The following DARS1 variants were observed in gnomAD, a reference collection of about 807,000 sequenced individuals.
DARS1 encodes the protein aspartyl-tRNA synthetase 1.
A neutral mutation model predicts 68.8 loss-of-function variants in DARS1; 51 were observed. The observed-to-expected ratio is 0.74, with a 90% CI of 0.59 to 0.94. The LOEUF (loss-of-function observed/expected upper bound fraction) is 0.94. Ranked by LOEUF, DARS1 falls within the 40% of genes least tolerant of loss-of-function variation. DARS1 has a pLI of 0.00. For synonymous variants in DARS1, 203 were observed against 190.4 expected, an observed-to-expected ratio of 1.07 and a Z score of -0.55; for missense variants, 607 against 597.3, an observed-to-expected ratio of 1.02 and a Z score of -0.17.
At chr2:135,917,478 AT>A (rs924498461) in intron 10 of DARS1, among the ~76,000 whole-genome samples, 1 of 151,822 alleles carries the variant, frequency 6.6e-6, no homozygotes, top group Non-Finnish European at 1.5e-5. Context: ...TTCTATTTTT[AT>A]TTTTTTTAAT....
intron 4 of DARS1, among the ~76,000 whole-genome samples, chr2:135,944,063 A>C (rs1391587293): frequency 5.3e-5 from 8 of 152,168 alleles, no homozygotes; most frequent in Admixed American, 5.2e-4. Flanking sequence ...GAAGTTTAAT[A>C]TATGATGAGT....
At chr2:135,910,257 T>C (rs1398469862) in intron 15 of DARS1, among the ~76,000 whole-genome samples, 1 of 152,214 alleles carries the variant, frequency 6.6e-6, no homozygotes, top group Non-Finnish European at 1.5e-5. Context: ...TTTTTCATAA[T>C]GGCTGTACCA....
chr2:135,908,904 C>T (rs1680840404), intron 15 of DARS1, among the ~76,000 whole-genome samples: 2 of 152,130 alleles, frequency 1.3e-5, no homozygotes, highest in South Asian at 2.1e-4. Context: ...CAATGATAGA[C>T]TGGATAAAGT....
intron 13 of DARS1, 33 bp downstream of exon 13, chr2:135,912,453 T>TCAAAATGGG: frequency 1.3e-6 from 1 of 776,038 alleles, no homozygotes; most frequent in Non-Finnish European, 2.2e-6. Context: ...CCCTTCTGCC[T>TCAAAATGGG]CAAAATGGGT....
chr2:135,909,762 T>G (rs1680858997), intron 15 of DARS1, among the ~76,000 whole-genome samples: 1 of 151,976 alleles, frequency 6.6e-6, no homozygotes, highest in Admixed American at 6.5e-5. Flanking sequence ...ATTTCCTTCT[T>G]TTGTAAGGCA....
chr2:135,984,684 A>T (rs1190645208), intron 1 of DARS1, among the ~76,000 whole-genome samples: 1 of 152,242 alleles, frequency 6.6e-6, no homozygotes, highest in Non-Finnish European at 1.5e-5. Flanking sequence ...CCACAAACTC[A>T]GAACTCCTTA....
rs570502023 is a variant in DARS1, at chr2:135,943,256, A to G, written c.423+122T>C. On this transcript the variant is annotated intron_variant, in intron 5 of 15. Coordinates refer to ENST00000264161, the MANE Select transcript of DARS1 (RefSeq NM_001349.4). ...TTATATAACAAAAGCTAATTGATTC[A>G]GTAACTAATTTATAAACCTCAGTAT... The G allele has an allele frequency of 7.4e-4, 988 of 1,337,454 alleles. 2 individuals are homozygous for G. The Middle Eastern group carries it at 7.4e-3, about 10-fold the overall frequency. The allele number at this position is 1,337,454 out of a possible 1,614,324, so 82.8% of individuals were successfully genotyped here. A position where few individuals can be genotyped will look rare whatever the true frequency, so the allele number is the denominator to read the frequency against.
At chr2:135,945,135 T>C (rs1183426779) in intron 4 of DARS1, among the ~76,000 whole-genome samples, 1 of 152,008 alleles carries the variant, frequency 6.6e-6, no homozygotes, top group Non-Finnish European at 1.5e-5. Flanking sequence ...ACATCTACTT[T>C]TTTTTTTTTG....
chr2:135,980,810 T>C (rs1682613299), intron 2 of DARS1, among the ~76,000 whole-genome samples: 1 of 152,216 alleles, frequency 6.6e-6, no homozygotes, highest in Non-Finnish European at 1.5e-5. Flanking sequence ...AGATATGCGA[T>C]AATTAGGATA....
intron 4 of DARS1, among the ~76,000 whole-genome samples, chr2:135,952,349 C>A (rs1681857149): frequency 6.6e-6 from 1 of 152,070 alleles, no homozygotes; most frequent in Non-Finnish European, 1.5e-5. Context: ...ATGTACACAT[C>A]GTGTAAAAAT....
chr2:135,976,487 TCTCCCTATCCACCCAC>T (rs1340539743), intron 3 of DARS1, among the ~76,000 whole-genome samples: 6 of 152,048 alleles, frequency 3.9e-5, no homozygotes, highest in Non-Finnish European at 7.4e-5. Context: ...ACTCATAAAT[TCTCCCTATCCACCCAC>T]CATGATTAGC....
chr2:135,917,283 C>T (rs1197515822), intron 10 of DARS1, among the ~76,000 whole-genome samples: 2 of 152,152 alleles, frequency 1.3e-5, no homozygotes, highest in Non-Finnish European at 2.9e-5. Context: ...CAATTGGCCA[C>T]AGGTTGACAA....
At chr2:135,910,301 G>A (rs1178966660) in intron 15 of DARS1, among the ~76,000 whole-genome samples, 1 of 152,056 alleles carries the variant, frequency 6.6e-6, no homozygotes, top group East Asian at 1.9e-4. Flanking sequence ...TACAAACAAG[G>A]ATTCCCTTTT....
intron 4 of DARS1, among the ~76,000 whole-genome samples, 157 bp from the exon 5 acceptor site, chr2:135,943,637 A>C (rs1186795659): frequency 6.6e-6 from 1 of 152,232 alleles, no homozygotes; most frequent in East Asian, 1.9e-4. Flanking sequence ...AGAATAAGCT[A>C]TTACGTAGCA....
intron 4 of DARS1, among the ~76,000 whole-genome samples, chr2:135,950,750 A>C (rs1003728951): frequency 6.6e-6 from 1 of 152,178 alleles, no homozygotes; most frequent in Non-Finnish European, 1.5e-5. Context: ...TTTCATTATA[A>C]AGTAGAATAT....
intron 12 of DARS1, among the ~76,000 whole-genome samples, chr2:135,914,149 G>A (rs961291442): frequency 7.2e-5 from 11 of 152,160 alleles, no homozygotes; most frequent in African/African-American, 2.7e-4. Flanking sequence ...ACACAGGGAA[G>A]ACCATTTCTA....
intron 4 of DARS1, among the ~76,000 whole-genome samples, chr2:135,945,830 A>G (rs1214097267): frequency 6.6e-6 from 1 of 152,250 alleles, no homozygotes; most frequent in Non-Finnish European, 1.5e-5. Flanking sequence ...GAAAGAAGGC[A>G]GGATTAATCA....
intron 5 of DARS1, among the ~76,000 whole-genome samples, chr2:135,942,916 C>A (rs146722641): frequency 6.6e-6 from 1 of 152,256 alleles, no homozygotes; most frequent in African/African-American, 2.4e-5. Context: ...TTTCTCTACC[C>A]CTTAAATCTA....
chr2:135,971,092 C>A (rs1682358235), intron 3 of DARS1, among the ~76,000 whole-genome samples: 1 of 152,126 alleles, frequency 6.6e-6, no homozygotes, highest in Non-Finnish European at 1.5e-5. Context: ...CAAACTCATT[C>A]TAAGAGGCCA....
Sources: allele counts gnomAD v4.1 joint callset (sites outside exome capture counted in the v4.1 genomes callset), GRCh38; gene constraint gnomAD v4.1.1; transcripts MANE v1.5; gene names NCBI Gene and HGNC (gene_info 2026-07-23, HGNC 2026-07-21).